Variants in ANAPC10 observed in about 807,000 individuals in gnomAD.
The protein encoded by ANAPC10 is anaphase-promoting complex subunit 10.
ANAPC10 carries 12 observed loss-of-function variants against 22.0 expected under a neutral mutation model. The observed-to-expected ratio is 0.55, with a 90% CI of 0.35 to 0.88. The LOEUF is 0.88. ANAPC10 is among the 40% of genes least tolerant of loss of function. The pLI, the probability that ANAPC10 is intolerant of heterozygous loss-of-function variation, is 0.01. For missense variants in ANAPC10, 188 were observed against 220.9 expected (o/e 0.85, Z 0.94); for synonymous variants, 65 against 69.5 (o/e 0.94, Z 0.32).
At chr4:145,061,276 C>T (rs1381249673) in intron 4 of ANAPC10, among the ~76,000 whole-genome samples, 3 of 152,106 alleles carry the variant, frequency 2.0e-5, no homozygotes, top group East Asian at 3.9e-4. Flanking sequence ...TTTACAAGGT[C>T]CAAATATCGC....
At chr4:145,047,436 A>T (rs1207404481) in intron 4 of ANAPC10, among the ~76,000 whole-genome samples, 1 of 152,164 alleles carries the variant, frequency 6.6e-6, no homozygotes, top group Non-Finnish European at 1.5e-5. Flanking sequence ...AAATGACTAT[A>T]ACTTCAGGTT....
intron 4 of ANAPC10, among the ~76,000 whole-genome samples, chr4:145,025,026 T>C (rs1736456413): frequency 6.6e-6 from 1 of 152,210 alleles, no homozygotes; most frequent in East Asian, 1.9e-4. Flanking sequence ...GTTATGAAGA[T>C]GGATTTTTTC....
chr4:145,020,834 G>A (rs1222082451), intron 4 of ANAPC10, among the ~76,000 whole-genome samples: 5 of 149,908 alleles, frequency 3.3e-5, no homozygotes, highest in Admixed American at 3.3e-4. Context: ...TTTTACAATA[G>A]CTGCAAAAAA....
chr4:144,995,540 G>A lies in ANAPC10; in HGVS notation c.391C>T (p.Pro131Ser), dbSNP rs199671091. ...ATCTGTATCATGAATGTACGAGTTG[G>A]CTTCTTATGATTGTCAGTTAAGGGA... ...HVPLTDNHKK[P>S]TRTFMIQIAV... Residue 131 changes from proline (P) to serine (S), a missense_variant, in exon 5 of 5, where the codon CCA (proline) becomes TCA (serine). By Grantham distance (74) the Pro-to-Ser change is moderately conservative. Transcript: ENST00000507656. The A allele has an allele frequency of 1.2e-6, 2 of 1,613,724 alleles. No homozygotes were observed. The highest frequency in any genetic ancestry group is 1.7e-5 in the Admixed American group (1 of 59,948).
chr4:145,038,632 C>A (rs1016761435), intron 4 of ANAPC10, among the ~76,000 whole-genome samples: 2 of 152,002 alleles, frequency 1.3e-5, no homozygotes, highest in Non-Finnish European at 2.9e-5. Context: ...CGAGACCAGC[C>A]TAACATGATG....
chr4:145,080,162 C>T lies in ANAPC10; in HGVS notation c.206+1498G>A, dbSNP rs1745789889. Among the ~76,000 whole-genome samples the T allele has an allele frequency of 2.7e-5, 3 of 110,694 alleles. No individual in the cohort carries two copies. The South Asian group carries it at 9.9e-4, about 37-fold the overall frequency. 72.6% of individuals were successfully genotyped at this position (110,694 alleles called of 152,430 possible). A position where few individuals can be genotyped will look rare whatever the true frequency, so the allele number is the denominator to read the frequency against. On this transcript the variant is annotated intron_variant, in intron 3 of 4. Transcript: ENST00000507656. ...AACACACATTGAATACACACAGATA[C>T]AAAATAGGGAACAATAGACATGGGT...
chr4:145,072,950 T>G (rs997286412), intron 3 of ANAPC10, among the ~76,000 whole-genome samples: 3 of 151,340 alleles, frequency 2.0e-5, no homozygotes, highest in African/African-American at 7.3e-5. Context: ...CAGGCTGGAG[T>G]GCAGTGGCAT....
intron 4 of ANAPC10, among the ~76,000 whole-genome samples, chr4:145,009,377 C>T (rs1733937643): frequency 6.6e-6 from 1 of 152,100 alleles, no homozygotes; most frequent in Admixed American, 6.5e-5. Context: ...ATTGCCAAGT[C>T]AATCCTAAGC....
At chr4:145,028,158 C>CTG (rs755643430) in intron 4 of ANAPC10, among the ~76,000 whole-genome samples, 20 of 152,044 alleles carry the variant, frequency 1.3e-4, no homozygotes, top group Non-Finnish European at 2.4e-4. Flanking sequence ...CTGGGTGTGC[C>CTG]TGTGTGTGTG....
At position 145,093,238 on chromosome 4, in the gene ANAPC10, G is replaced by A. The variant is rs115213150; in HGVS notation, c.115+2747C>T. On this transcript the variant is annotated intron_variant, in intron 2 of 4. Coordinates refer to ENST00000507656, the MANE Select transcript of ANAPC10 (RefSeq NM_001256706.2). ...ATGTCTCTGGCACAATGTTCTCACA[G>A]TAAGCACAGGGCATCTTTAGAGGAA... 4.4e-3 allele frequency among the ~76,000 whole-genome samples: 671 copies of A among 152,276 alleles called. 3 individuals are homozygous for A. The highest frequency in any genetic ancestry group is 0.015 in the African/African-American group (617 of 41,576).
intron 4 of ANAPC10, among the ~76,000 whole-genome samples, chr4:145,000,162 A>C (rs2126847853): frequency 6.6e-6 from 1 of 152,362 alleles, no homozygotes; most frequent in African/African-American, 2.4e-5. Flanking sequence ...TTATGTCTAA[A>C]CACCAAAAGC....
intron 4 of ANAPC10, among the ~76,000 whole-genome samples, chr4:145,053,432 A>C (rs1741428342): frequency 6.6e-6 from 1 of 152,256 alleles, no homozygotes; most frequent in Non-Finnish European, 1.5e-5. Flanking sequence ...GTCCTACTTA[A>C]TTAAGTATAA....
intron 4 of ANAPC10, among the ~76,000 whole-genome samples, chr4:145,009,704 A>G (rs1185964664): frequency 6.6e-6 from 1 of 152,330 alleles, no homozygotes; most frequent in Non-Finnish European, 1.5e-5. Context: ...TGTTAGACCT[A>G]AAACCATAAA....
Position 145,097,596 on chromosome 4 carries a change from T to C in ANAPC10, c.-13+524A>G, listed in dbSNP as rs182938303. The C allele has an allele frequency of 6.9e-5, 84 of 1,215,970 alleles. No homozygotes were observed. The East Asian group carries it at 2.2e-3, about 31-fold the overall frequency. The allele number at this position is 1,215,970 out of a possible 1,614,324, so 75.3% of individuals were successfully genotyped here. On this transcript the variant is annotated intron_variant, in intron 1 of 4. Transcript: ENST00000507656. ...CGGCAGACACAACGGACTGTAAACT[T>C]TGGCAAGGCCTGAGGCTTAAACGCT...
intron 4 of ANAPC10, among the ~76,000 whole-genome samples, chr4:145,062,764 C>T (rs1367270443): frequency 6.6e-6 from 1 of 152,108 alleles, no homozygotes; most frequent in Non-Finnish European, 1.5e-5. Flanking sequence ...ATAGAATCAA[C>T]CTAAGTATTC....
chr4:145,012,948 G>A (rs1322728283), intron 4 of ANAPC10, among the ~76,000 whole-genome samples: 1 of 152,116 alleles, frequency 6.6e-6, no homozygotes, highest in Non-Finnish European at 1.5e-5. Flanking sequence ...GATAGTGAGT[G>A]AGTTATCACA....
intron 4 of ANAPC10, among the ~76,000 whole-genome samples, chr4:145,016,797 A>T (rs1735236821): frequency 6.6e-6 from 1 of 152,176 alleles, no homozygotes; most frequent in Non-Finnish European, 1.5e-5. Context: ...AACAGAACAG[A>T]GCCCTCAGAA....
At chr4:145,050,144 A>T (rs1740885577) in intron 4 of ANAPC10, among the ~76,000 whole-genome samples, 1 of 152,240 alleles carries the variant, frequency 6.6e-6, no homozygotes, top group Non-Finnish European at 1.5e-5. Context: ...AGAAATGTAT[A>T]AGACTTGGAA....
At chr4:145,049,591 T>C (rs1740808339) in intron 4 of ANAPC10, among the ~76,000 whole-genome samples, 1 of 152,126 alleles carries the variant, frequency 6.6e-6, no homozygotes, top group South Asian at 2.1e-4. Context: ...TTTCTTTTTG[T>C]TTTTTTGAGA....
Sources: gnomAD v4.1 joint callset for allele counts (sites outside exome capture counted in the v4.1 genomes callset) on GRCh38, gnomAD v4.1.1 for gene constraint, MANE v1.5 for transcripts, NCBI Gene and HGNC (gene_info 2026-07-23, HGNC 2026-07-21) for gene names.